The following OSBPL10 variants were observed in gnomAD, a reference collection of about 807,000 sequenced individuals.
OSBPL10 encodes oxysterol binding protein like 10.
Under a neutral mutation model 81.7 loss-of-function variants are expected in OSBPL10, and 49 were observed. That is an observed-to-expected ratio of 0.60 (90% CI 0.48 to 0.76). The LOEUF (loss-of-function observed/expected upper bound fraction) is 0.76, where lower values mean the gene tolerates loss of function less well. OSBPL10 is among the 30% of genes least tolerant of loss of function. The pLI, the probability that OSBPL10 is intolerant of heterozygous loss-of-function variation, is 0.00. For missense variants in OSBPL10, 923 were observed against 987.8 expected, an observed-to-expected ratio of 0.93 and a Z score of 0.88; for synonymous variants, 419 against 383.6, an observed-to-expected ratio of 1.09 and a Z score of -1.08.
In OSBPL10 at chr3:31,977,402, C is replaced by T. The variant is rs1330903368; in HGVS notation, c.281+3497G>A. ...TGCTTTGGCCCCTTGAAAATCTCAT[C>T]TCTACACAGCAGCCAAAGTGACCTA... On this transcript the variant is annotated intron_variant, in intron 1 of 11. Coordinates refer to ENST00000396556, the MANE Select transcript of OSBPL10 (RefSeq NM_017784.5). Among the ~76,000 whole-genome samples, 4 of 152,142 alleles carry T rather than the reference C, an allele frequency of 2.6e-5. No homozygotes were observed. The East Asian group carries it at 7.7e-4, about 29-fold the overall frequency.
intron 3 of OSBPL10, among the ~76,000 whole-genome samples, chr3:31,863,669 T>C (rs60341873): frequency 0.031 from 4,724 of 152,298 alleles, 258 homozygotes; most frequent in African/African-American, 0.11. Context: ...ATTATTTCCT[T>C]TTCCCAAAAA....
At chr3:32,014,284 G>C (rs1699291931) in intron 2 of OSBPL10, among the ~76,000 whole-genome samples, 1 of 152,180 alleles carries the variant, frequency 6.6e-6, no homozygotes, top group Non-Finnish European at 1.5e-5. Flanking sequence ...TGCAACGCTG[G>C]TTCAACATAT....
intron 4 of OSBPL10, among the ~76,000 whole-genome samples, chr3:31,767,222 T>A (rs1360354049): frequency 6.6e-6 from 1 of 152,212 alleles, no homozygotes; most frequent in Non-Finnish European, 1.5e-5. Context: ...GTTTTGCTCA[T>A]GCAGTTGTGA....
intron 2 of OSBPL10, among the ~76,000 whole-genome samples, chr3:32,024,055 A>G (rs562353901): frequency 6.6e-6 from 1 of 152,344 alleles, no homozygotes; most frequent in South Asian, 2.1e-4. Flanking sequence ...GGCCTACTGT[A>G]CATGCCTATG....
chr3:31,759,887 G>A (rs1697982878), intron 4 of OSBPL10, among the ~76,000 whole-genome samples: 1 of 152,038 alleles, frequency 6.6e-6, no homozygotes, highest in African/African-American at 2.4e-5. Context: ...AGCCTCCTGA[G>A]TAGCTGGAAT....
chr3:32,054,850 C>T (rs1208851189), intron 1 of OSBPL10, among the ~76,000 whole-genome samples: 2 of 152,024 alleles, frequency 1.3e-5, no homozygotes, highest in Non-Finnish European at 1.5e-5. Context: ...TTAATAGTGG[C>T]TGTCCTAACT....
At chr3:31,965,211 T>C (rs750272200) in intron 1 of OSBPL10, among the ~76,000 whole-genome samples, 2 of 150,224 alleles carry the variant, frequency 1.3e-5, no homozygotes, top group South Asian at 4.2e-4. Context: ...CTACTAAAAA[T>C]ACAAAAAAAT....
intron 6 of OSBPL10, among the ~76,000 whole-genome samples, chr3:31,703,270 C>G (rs1312387937): frequency 6.6e-6 from 1 of 152,184 alleles, no homozygotes; most frequent in African/African-American, 2.4e-5. Flanking sequence ...ACTCTGGTTA[C>G]AAGGTTAACT....
At chr3:32,027,213 T>C (rs909538740) in intron 2 of OSBPL10, among the ~76,000 whole-genome samples, 20 of 152,092 alleles carry the variant, frequency 1.3e-4, no homozygotes, top group Admixed American at 2.6e-4. Context: ...CAGTGTGTGA[T>C]GTTCCCCTCC....
rs201307312 is a variant in OSBPL10, at chr3:31,792,770, T to TGC, written c.729+37269_729+37270insGC. ...GTGTGTGTGTGTGTGTGTGTGTGTG[T>TGC]GTGTGTAAAAATTCTCAGTTATCCA... is the stretch of plus-strand genomic sequence containing the variant. On this transcript the variant is annotated intron_variant, in intron 4 of 11. Coordinates refer to ENST00000396556, the MANE Select transcript of OSBPL10 (RefSeq NM_017784.5). Among the ~76,000 whole-genome samples, 726 of 138,710 alleles carry TGC rather than the reference T, an allele frequency of 5.2e-3. 5 individuals carry two copies. The highest frequency in any genetic ancestry group is 4.8e-3 in the Non-Finnish European group (315 of 65,560). The allele number at this position is 138,710 out of a possible 152,430, so 91.0% of individuals were successfully genotyped here.
intron 2 of OSBPL10, among the ~76,000 whole-genome samples, chr3:32,044,741 C>CAAAAAAAAAAAAAAAAAAAAAAAAAA (rs34855965): frequency 1.5e-5 from 1 of 67,070 alleles, no homozygotes; most frequent in Non-Finnish European, 2.7e-5. Context: ...AACTCCATCT[C>CAAAAAAAAAAAAAAAAAAAAAAAAAA]AAAAAAAAAA....
At chr3:32,023,824 C>T (rs1262246171) in intron 2 of OSBPL10, among the ~76,000 whole-genome samples, 1 of 152,096 alleles carries the variant, frequency 6.6e-6, no homozygotes, top group Non-Finnish European at 1.5e-5. Flanking sequence ...TTTTTCTATA[C>T]TGGCATTTCC....
chr3:31,750,303 T>C (rs993958367), intron 4 of OSBPL10, among the ~76,000 whole-genome samples: 2 of 152,228 alleles, frequency 1.3e-5, no homozygotes, highest in African/African-American at 4.8e-5. Flanking sequence ...ATTTCCTTAT[T>C]ATATTCATTT....
At chr3:31,663,796 G>C in intron 11 of OSBPL10, 1 of 1,339,554 alleles carries the variant, frequency 7.5e-7, no homozygotes, top group Non-Finnish European at 9.6e-7. Flanking sequence ...CAGTCCCATC[G>C]CGATCCCTCA....
At chr3:32,018,040 C>T (rs887733949) in intron 2 of OSBPL10, among the ~76,000 whole-genome samples, 3 of 151,898 alleles carry the variant, frequency 2.0e-5, no homozygotes, top group Non-Finnish European at 4.4e-5. Context: ...CCCAGCTACT[C>T]AGGGGGCTGA....
chr3:31,721,682 G>A (rs1696649093), intron 6 of OSBPL10: 1 of 152,200 alleles, frequency 6.6e-6, no homozygotes, highest in African/African-American at 2.4e-5. Context: ...GAAGACAAAA[G>A]AGAAATGAAT....
At chr3:31,838,290 C>T (rs1247517778) in intron 3 of OSBPL10, among the ~76,000 whole-genome samples, 1 of 152,062 alleles carries the variant, frequency 6.6e-6, no homozygotes, top group Non-Finnish European at 1.5e-5. Flanking sequence ...GTGGGCGGAT[C>T]ATGAGGTCAG....
chr3:31,830,203 A>G lies in OSBPL10; in HGVS notation c.566T>C (p.Leu189Pro), dbSNP rs758764992. 1.2e-6 allele frequency: 2 copies of G among 1,614,040 alleles called. No individual in the cohort carries two copies. The highest frequency in any genetic ancestry group is 2.2e-5 in the South Asian group (2 of 91,052). Residue 189 changes from leucine to proline, a missense_variant, in exon 4 of 12, where the codon CTC (leucine) becomes CCC (proline). By Grantham distance (98) the Leu-to-Pro change is moderately conservative. Coordinates refer to ENST00000396556, the MANE Select transcript of OSBPL10 (RefSeq NM_017784.5). ...GGGTGTTCCATGTGGGAGCAAAGTG[A>G]GACTTCGGCTTCGGGAGCTTGGAGC... ...KSAPSSRSRS[L>P]TLLPHGTPNS... is the part of the protein sequence containing the mutation.
chr3:31,738,515 T>TCATCC (rs1697255853), intron 5 of OSBPL10, among the ~76,000 whole-genome samples: 1 of 152,096 alleles, frequency 6.6e-6, no homozygotes, highest in Non-Finnish European at 1.5e-5. Flanking sequence ...GGGAAAACAT[T>TCATCC]CATCCCCAGC....
Sources: allele counts gnomAD v4.1 joint callset (sites outside exome capture counted in the v4.1 genomes callset), GRCh38; gene constraint gnomAD v4.1.1; transcripts MANE v1.5; gene names NCBI Gene and HGNC (gene_info 2026-07-23, HGNC 2026-07-21).